Variants in CORO2B observed in about 807,000 individuals in gnomAD.
CORO2B encodes coronin-2B.
In CORO2B, 26 loss-of-function variants were observed where a neutral mutation model predicts 58.8. The ratio of observed to expected loss-of-function variants is 0.44; its 90% CI spans 0.32 to 0.61. CORO2B has a LOEUF of 0.61. Among genes scored for constraint, CORO2B ranks in the 20% least tolerant of loss-of-function variants. The pLI, the probability that CORO2B is intolerant of heterozygous loss-of-function variation, is 0.04. For synonymous variants in CORO2B, 242 were observed against 253.8 expected, an observed-to-expected ratio of 0.95 and a Z score of 0.44; for missense variants, 460 against 645.1, an observed-to-expected ratio of 0.71 and a Z score of 3.11.
At chr15:68,562,003 C>T in the CORO2B span, among the ~76,000 whole-genome samples, 1 of 152,174 alleles carries the variant, frequency 6.6e-6, no homozygotes, top group African/African-American at 2.4e-5. Flanking sequence ...CTTGTCCCTT[C>T]TCTACCCTAA....
chr15:68,725,218 A>C (rs946345965), intron 11 of CORO2B, among the ~76,000 whole-genome samples: 5 of 151,970 alleles, frequency 3.3e-5, no homozygotes, highest in Non-Finnish European at 7.4e-5. Context: ...AAAATACAAA[A>C]ATTATCCAGG....
chr15:68,528,498 G>T, the CORO2B span, among the ~76,000 whole-genome samples: 1 of 151,970 alleles, frequency 6.6e-6, no homozygotes, highest in South Asian at 2.1e-4. Context: ...TCCTGCTTTT[G>T]CATGATATAT....
rs1567018713 is a variant in CORO2B at position 68,714,675 on chromosome 15, TG to T, written c.870+17del. 5 of 1,606,408 alleles carry T rather than the reference TG, an allele frequency of 3.1e-6. No homozygotes were observed. Among genetic ancestry groups the T allele is most frequent in the Non-Finnish European group, 4.3e-6 (5 of 1,173,370 alleles). ...ACCTGGCTGGAAAGGTAGTAGGAGGTGGGGGAGGGCCCGGGGCAGCCTGTGG... is the reference window on the plus strand; with the variant it reads ...ACCTGGCTGGAAAGGTAGTAGGAGGTGGGGAGGGCCCGGGGCAGCCTGTGG... On this transcript the variant is annotated intron_variant, in intron 7 of 11. Transcript: ENST00000261861.
intron 1 of CORO2B, among the ~76,000 whole-genome samples, chr15:68,625,545 T>C (rs1191796689): frequency 1.3e-5 from 2 of 152,176 alleles, no homozygotes; most frequent in African/African-American, 4.8e-5. Context: ...AATCATTGGG[T>C]ATGCAGCCTT....
chr15:68,618,071 T>G (rs1236831361), intron 1 of CORO2B, among the ~76,000 whole-genome samples: 3 of 152,208 alleles, frequency 2.0e-5, no homozygotes. Context: ...GCTTTCAGAC[T>G]TTTTTGCTAT....
chr15:68,627,451 G>A (rs1159951227), intron 1 of CORO2B, among the ~76,000 whole-genome samples: 1 of 152,036 alleles, frequency 6.6e-6, no homozygotes, highest in African/African-American at 2.4e-5. Context: ...GTGTGTGTTG[G>A]GAGAGAGATG....
At chr15:68,536,023 T>C in the CORO2B span, among the ~76,000 whole-genome samples, 2 of 152,244 alleles carry the variant, frequency 1.3e-5, no homozygotes. Flanking sequence ...AATAAACTTA[T>C]ATGGTTCTGA....
chr15:68,678,575 G>A (rs534859007), intron 2 of CORO2B, among the ~76,000 whole-genome samples: 4 of 152,300 alleles, frequency 2.6e-5, no homozygotes, highest in African/African-American at 9.6e-5. Context: ...TCAGTGGACT[G>A]AGGCAGGAGA....
chr15:68,606,833 G>A (rs1900136137), intron 1 of CORO2B, among the ~76,000 whole-genome samples: 1 of 152,176 alleles, frequency 6.6e-6, no homozygotes, highest in Admixed American at 6.5e-5. Context: ...GCATGGAGGG[G>A]TGGACATGGA....
intron 1 of CORO2B, among the ~76,000 whole-genome samples, chr15:68,597,857 C>T (rs980513288): frequency 3.9e-5 from 6 of 152,150 alleles, no homozygotes; most frequent in African/African-American, 1.4e-4. Context: ...ATTAGGGGGC[C>T]ACTGTGGTGG....
At chr15:68,603,207 A>G (rs1900026272) in intron 1 of CORO2B, among the ~76,000 whole-genome samples, 1 of 152,192 alleles carries the variant, frequency 6.6e-6, no homozygotes, top group African/African-American at 2.4e-5. Context: ...CAGGGCTAAC[A>G]CAGTACGTGG....
intron 1 of CORO2B, among the ~76,000 whole-genome samples, chr15:68,623,471 C>T (rs765111318): frequency 7.2e-5 from 11 of 152,294 alleles, no homozygotes; most frequent in Admixed American, 2.6e-4. Flanking sequence ...GCTGTGTTTA[C>T]ACCACCTCCT....
At chr15:68,644,240 A>T (rs954544709) in intron 1 of CORO2B, among the ~76,000 whole-genome samples, 17 of 152,146 alleles carry the variant, frequency 1.1e-4, no homozygotes, top group African/African-American at 3.9e-4. Flanking sequence ...AGCAATCCAG[A>T]TTGCTTTAAT....
At chr15:68,577,104 C>T (rs375287600), upstream of CORO2B, among the ~76,000 whole-genome samples, 1 of 152,088 alleles carries the variant, frequency 6.6e-6, no homozygotes, top group Non-Finnish European at 1.5e-5. Flanking sequence ...ACAGAGGAGA[C>T]GCCTGAGGTC....
chr15:68,555,495 G>C, the CORO2B span, among the ~76,000 whole-genome samples: 96 of 152,306 alleles, frequency 6.3e-4, no homozygotes, highest in Admixed American at 1.2e-3. Context: ...GGCTGGGCAG[G>C]GGGGAGAGAA....
At chr15:68,703,438 ACC>A in intron 3 of CORO2B, among the ~76,000 whole-genome samples, 1 of 152,144 alleles carries the variant, frequency 6.6e-6, no homozygotes, top group East Asian at 1.9e-4. Flanking sequence ...GGTGTGAGCC[ACC>A]TCGCCCAGCC....
chr15:68,554,242 A>G, the CORO2B span, among the ~76,000 whole-genome samples: 1 of 152,094 alleles, frequency 6.6e-6, no homozygotes, highest in South Asian at 2.1e-4. Flanking sequence ...GCTGAAATTG[A>G]GTGGACTAGA....
At chr15:68,601,712 G>A (rs569975258) in intron 1 of CORO2B, among the ~76,000 whole-genome samples, 5 of 152,360 alleles carry the variant, frequency 3.3e-5, no homozygotes, top group African/African-American at 1.2e-4. Flanking sequence ...GAGAAGAAAT[G>A]AGGGCTTTGA....
At chr15:68,714,421 A>C in intron 6 of CORO2B, 138 bp from the exon 7 acceptor site, 1 of 688,194 alleles carries the variant, frequency 1.5e-6, no homozygotes, top group Non-Finnish European at 2.6e-6. Flanking sequence ...TCTTGCCACC[A>C]CCCATAGGAC....
Sources: allele counts gnomAD v4.1 joint callset (sites outside exome capture counted in the v4.1 genomes callset), GRCh38; gene constraint gnomAD v4.1.1; transcripts MANE v1.5; gene names NCBI Gene and HGNC (gene_info 2026-07-23, HGNC 2026-07-21).